PLEKHH2: variants seen among roughly 807,000 people sequenced by gnomAD.
PLEKHH2 encodes pleckstrin homology, MyTH4 and FERM domain containing H2, also known as pleckstrin homology domain-containing family H member 2.
A neutral mutation model predicts 187.9 loss-of-function variants in PLEKHH2; 129 were observed. The ratio of observed to expected loss-of-function variants is 0.69; its 90% CI spans 0.59 to 0.79. The LOEUF is 0.79. PLEKHH2 is among the 30% of genes least tolerant of loss of function. The pLI is 0.00. For missense variants in PLEKHH2, 2,076 were observed against 1,751.2 expected (o/e 1.19, Z -3.31); for synonymous variants, 686 against 605.6 (o/e 1.13, Z -1.95).
chr2:43,684,585 G>A (rs1668401883), intron 3 of PLEKHH2, among the ~76,000 whole-genome samples: 1 of 151,610 alleles, frequency 6.6e-6, no homozygotes. Context: ...ATGAGATCCA[G>A]TGAGGAGTCT....
chr2:43,710,424 C>G, intron 13 of PLEKHH2, 65 bp from the exon 14 acceptor site: 1 of 1,578,250 alleles, frequency 6.3e-7, no homozygotes, highest in Admixed American at 1.8e-5. Context: ...AGTAATGATA[C>G]AAAGCATTCC....
At chr2:43,639,650 CTTTTTT>C (rs869116400) in intron 1 of PLEKHH2, among the ~76,000 whole-genome samples, 1 of 99,224 alleles carries the variant, frequency 1.0e-5, no homozygotes, top group Non-Finnish European at 1.9e-5. Context: ...GGATGTACCA[CTTTTTT>C]TTTTTTTTTT....
chr2:43,729,756 A>G lies in PLEKHH2; in HGVS notation c.2830+11A>G. 5 of 1,554,758 alleles carry G rather than the reference A, an allele frequency of 3.2e-6. No homozygotes were observed. Among genetic ancestry groups the G allele is most frequent in the Non-Finnish European group, 3.5e-6 (4 of 1,141,058 alleles). ...TAGACGGGGAGCCTTGTAAGTTCAT[A>G]AACATATAAATAAAGCTTTATGGTT... is the stretch of plus-strand genomic sequence containing the variant. On this transcript the variant is annotated intron_variant, in intron 18 of 29. Transcript: ENST00000282406.
chr2:43,644,800 A>C lies in PLEKHH2; in HGVS notation c.123+4A>C, dbSNP rs1162442371. ...ACGAGAGCTTTTAGCAGAGAAGGTA[A>C]GCTTTCTCCCTAAGCTTTGTTATTA... On this transcript the variant is annotated splice_donor_region_variant and intron_variant, in intron 2 of 29. Transcript: ENST00000282406. 1 of 1,602,900 alleles carries C rather than the reference A, an allele frequency of 6.2e-7. No individual in the cohort carries two copies. Among genetic ancestry groups the C allele is most frequent in the African/African-American group, 1.3e-5 (1 of 74,542 alleles).
chr2:43,721,616 G>A (rs1303421735), intron 16 of PLEKHH2, among the ~76,000 whole-genome samples: 1 of 152,154 alleles, frequency 6.6e-6, no homozygotes, highest in Admixed American at 6.5e-5. Flanking sequence ...AGGCATGATG[G>A]CTCATGCCTA....
At chr2:43,673,805 A>G (rs951077109) in intron 2 of PLEKHH2, among the ~76,000 whole-genome samples, 1 of 152,186 alleles carries the variant, frequency 6.6e-6, no homozygotes, top group African/African-American at 2.4e-5. Flanking sequence ...CTGAGTTCCA[A>G]TTTAGGTCTT....
In PLEKHH2 at chr2:43,736,425, A is replaced by G. The variant is rs547855896; in HGVS notation, c.2944-1916A>G. 9.2e-5 allele frequency among the ~76,000 whole-genome samples: 14 copies of G among 152,274 alleles called. No individual in the cohort carries two copies. The South Asian group carries it at 2.7e-3, about 29-fold the overall frequency. ...ATACGCCCTGTGATTGCTGCAGCTTACTGTCTGGAGAGATTCAAGACTGCT... is the reference window on the plus strand; with the variant it reads ...ATACGCCCTGTGATTGCTGCAGCTTGCTGTCTGGAGAGATTCAAGACTGCT... On this transcript the variant is annotated intron_variant, in intron 19 of 29. Transcript: ENST00000282406.
intron 11 of PLEKHH2, among the ~76,000 whole-genome samples, chr2:43,707,999 T>C (rs1321041317): frequency 7.9e-5 from 12 of 152,188 alleles, no homozygotes; most frequent in African/African-American, 2.9e-4. Flanking sequence ...ACATTCTGTG[T>C]GTAGGTAGTG....
intron 3 of PLEKHH2, among the ~76,000 whole-genome samples, chr2:43,688,686 C>A (rs922541389): frequency 2.6e-4 from 39 of 152,130 alleles, no homozygotes; most frequent in Admixed American, 2.0e-4. Context: ...CTCATGGTCA[C>A]CGTTTATTAC....
chr2:43,720,551 T>C, intron 15 of PLEKHH2, 118 bp from the exon 16 acceptor site: 1 of 1,486,726 alleles, frequency 6.7e-7, no homozygotes, highest in Non-Finnish European at 9.0e-7. Flanking sequence ...CTATTTGGAA[T>C]ATCACTTATA....
intron 24 of PLEKHH2, 43 bp downstream of exon 24, chr2:43,746,006 T>G: frequency 7.8e-7 from 1 of 1,287,688 alleles, no homozygotes; most frequent in African/African-American, 1.5e-5. Context: ...GAGTATACAA[T>G]ATGTTCTAAT....
At chr2:43,744,327 T>A (rs990666458) in intron 23 of PLEKHH2, among the ~76,000 whole-genome samples, 1 of 152,232 alleles carries the variant, frequency 6.6e-6, no homozygotes, top group Non-Finnish European at 1.5e-5. Context: ...CTTACTAAGC[T>A]ATTTTATTGT....
chr2:43,763,707 TAC>T (rs1200220303), intron 28 of PLEKHH2, among the ~76,000 whole-genome samples: 1 of 152,132 alleles, frequency 6.6e-6, no homozygotes, highest in Non-Finnish European at 1.5e-5. Context: ...GTTATATTTT[TAC>T]ATTGTTTTGG....
intron 15 of PLEKHH2, among the ~76,000 whole-genome samples, chr2:43,713,318 C>T (rs544653907): frequency 6.6e-6 from 1 of 152,078 alleles, no homozygotes; most frequent in Admixed American, 6.5e-5. Context: ...AAGCTATTTA[C>T]TTTTGACTCT....
At chr2:43,705,548 A>G (rs951916218) in intron 9 of PLEKHH2, among the ~76,000 whole-genome samples, 1 of 152,052 alleles carries the variant, frequency 6.6e-6, no homozygotes, top group African/African-American at 2.4e-5. Context: ...GTGAGCCACT[A>G]CACTTAGCTA....
At chr2:43,706,622 A>T (rs1415241137) in intron 10 of PLEKHH2, among the ~76,000 whole-genome samples, 1 of 152,204 alleles carries the variant, frequency 6.6e-6, no homozygotes, top group African/African-American at 2.4e-5. Context: ...TAGAGGTCTG[A>T]GTCAGTTTTT....
chr2:43,704,729 TA>T (rs1250118369), intron 9 of PLEKHH2, among the ~76,000 whole-genome samples: 2 of 129,900 alleles, frequency 1.5e-5, no homozygotes, highest in African/African-American at 2.8e-5. Flanking sequence ...TTTCCCACAA[TA>T]AAAAAAGTTT....
chr2:43,710,584 C>CTTTTTTTTTTTTTTTTT lies in PLEKHH2; in HGVS notation c.2301+17_2301+33dup. 1.6e-6 allele frequency: 2 copies of CTTTTTTTTTTTTTTTTT among 1,241,308 alleles called. No homozygotes were observed. Among genetic ancestry groups the CTTTTTTTTTTTTTTTTT allele is most frequent in the Admixed American group, 8.0e-5 (2 of 25,110 alleles). The allele number at this position is 1,241,308 out of a possible 1,614,324, so 76.9% of individuals were successfully genotyped here. A position where few individuals can be genotyped will look rare whatever the true frequency, so the allele number is the denominator to read the frequency against. On this transcript the variant is annotated intron_variant, in intron 14 of 29. Transcript: ENST00000282406. ...ACAAACAAACAGTTCAGGTACTTAACTTTTTTTTTTTTTTTTTTTTTTTTG... is the reference window on the plus strand; with the variant it reads ...ACAAACAAACAGTTCAGGTACTTAACTTTTTTTTTTTTTTTTTTTTTTTTTTTTTTTTTTTTTTTTTG...
chr2:43,736,575 T>C (rs114675100), intron 19 of PLEKHH2, among the ~76,000 whole-genome samples: 2,405 of 152,234 alleles, frequency 0.016, 30 homozygotes, highest in Non-Finnish European at 0.023. Flanking sequence ...TGGCTCACCC[T>C]GTAACCCCAG....
Sources: gnomAD v4.1 joint callset for allele counts (sites outside exome capture counted in the v4.1 genomes callset) on GRCh38, gnomAD v4.1.1 for gene constraint, MANE v1.5 for transcripts, NCBI Gene and HGNC (gene_info 2026-07-23, HGNC 2026-07-21) for gene names.